Variants in PAK1 observed in about 807,000 individuals in gnomAD.
The protein encoded by PAK1 is p21 (RAC1) activated kinase 1.
In PAK1, 29 loss-of-function variants were observed where a neutral mutation model predicts 67.4. The observed-to-expected ratio is 0.43, with a 90% confidence interval of 0.32 to 0.59. PAK1 has a LOEUF of 0.59. Among genes scored for constraint, PAK1 ranks in the 20% least tolerant of loss-of-function variants. PAK1 has a pLI of 0.07. For missense variants in PAK1, 337 were observed against 670.7 expected (o/e 0.50, Z 5.50); for synonymous variants, 223 against 237.4 (o/e 0.94, Z 0.56).
intron 1 of PAK1, among the ~76,000 whole-genome samples, chr11:77,438,680 T>C (rs1263727570): frequency 6.6e-6 from 1 of 152,188 alleles, no homozygotes; most frequent in African/African-American, 2.4e-5. Context: ...GAGCTGTTTA[T>C]GGAAAGACAT....
intron 5 of PAK1, among the ~76,000 whole-genome samples, chr11:77,370,446 G>C (rs1198608817): frequency 6.6e-6 from 1 of 152,178 alleles, no homozygotes; most frequent in Non-Finnish European, 1.5e-5. Flanking sequence ...ACTGTAAGGA[G>C]GAGGCTGCCC....
At chr11:77,482,589 C>CT in the PAK1 span, among the ~76,000 whole-genome samples, 912 of 137,600 alleles carry the variant, frequency 6.6e-3, 10 homozygotes, top group African/African-American at 0.025. Context: ...TTCCCTCACT[C>CT]TTTTTTTCTT....
At chr11:77,443,213 G>A (rs909374177) in intron 1 of PAK1, among the ~76,000 whole-genome samples, 6 of 151,348 alleles carry the variant, frequency 4.0e-5, no homozygotes, top group African/African-American at 1.2e-4. Flanking sequence ...GTCTCAGGAT[G>A]CTGAGGCAGG....
At position 77,322,080 on chromosome 11, in the gene PAK1, CAG is replaced by C. The variant is rs1938597554; in HGVS notation, c.*1192_*1193del. The C allele has an allele frequency of 4.6e-6, 1 of 218,534 alleles. No homozygotes were observed. Among genetic ancestry groups the C allele is most frequent in the South Asian group, 1.9e-4 (1 of 5,400 alleles). The allele number at this position is 218,534 out of a possible 1,614,324, so 13.5% of individuals were successfully genotyped here. A position where few individuals can be genotyped will look rare whatever the true frequency, so the allele number is the denominator to read the frequency against. On this transcript the variant is annotated 3_prime_UTR_variant, in exon 15 of 15. Transcript: ENST00000356341. ...TTGTGCTGCAGAGGCAGTAGTACCT[CAG>C]AGCATGAGAAGGTAGTCAATGGGGC...
At chr11:77,399,883 A>AAAG (rs1334804973) in intron 1 of PAK1, among the ~76,000 whole-genome samples, 28 of 149,296 alleles carry the variant, frequency 1.9e-4, no homozygotes, top group African/African-American at 6.7e-4. Context: ...AAAAAAAAAA[A>AAAG]AAAGAAATAA....
intron 2 of PAK1, 102 bp from the exon 3 acceptor site, chr11:77,380,096 G>A (rs2853098): frequency 0.042 from 31,158 of 744,200 alleles, 2,353 homozygotes; most frequent in East Asian, 0.25. Context: ...AGAGGGCAAA[G>A]TCTATCTATT....
At chr11:77,528,320 A>G in the PAK1 span, among the ~76,000 whole-genome samples, 2 of 151,418 alleles carry the variant, frequency 1.3e-5, no homozygotes, top group African/African-American at 4.9e-5. Flanking sequence ...ATTATCTCCA[A>G]AAAATAACTT....
intron 1 of PAK1, among the ~76,000 whole-genome samples, chr11:77,426,523 T>C (rs1208819606): frequency 6.6e-6 from 1 of 152,130 alleles, no homozygotes; most frequent in African/African-American, 2.4e-5. Flanking sequence ...CTTATAAACC[T>C]AGTAAATATC....
At chr11:77,478,814 T>C (rs571240159), upstream of PAK1, among the ~76,000 whole-genome samples, 21 of 149,852 alleles carry the variant, frequency 1.4e-4, no homozygotes, top group East Asian at 4.0e-3. Flanking sequence ...CAGTGGCTCA[T>C]GCCTGTAATC....
intron 2 of PAK1, among the ~76,000 whole-genome samples, chr11:77,381,965 A>G (rs149584921): frequency 6.6e-6 from 1 of 152,238 alleles, no homozygotes; most frequent in Admixed American, 6.5e-5. Context: ...ACGTAAGTCC[A>G]TCTGTCTTTC....
At chr11:77,340,789 G>C in intron 10 of PAK1, 26 bp from the exon 11 acceptor site, 1 of 1,223,864 alleles carries the variant, frequency 8.2e-7, no homozygotes, top group Non-Finnish European at 1.2e-6. Flanking sequence ...TAAAGGGTGA[G>C]AGAGAACAAT....
chr11:77,413,124 G>A (rs1350094172), intron 1 of PAK1, among the ~76,000 whole-genome samples: 2 of 152,256 alleles, frequency 1.3e-5, no homozygotes, highest in Admixed American at 6.5e-5. Flanking sequence ...TGTCTCTTTC[G>A]GGTCATAATT....
chr11:77,375,477 A>G (rs1327425745), intron 4 of PAK1, among the ~76,000 whole-genome samples: 1 of 152,194 alleles, frequency 6.6e-6, no homozygotes, highest in Non-Finnish European at 1.5e-5. Flanking sequence ...CCAAGAATAG[A>G]ATCAAGCTCC....
intron 7 of PAK1, 23 bp downstream of exon 7, chr11:77,355,645 T>C (rs1332100992): frequency 1.3e-6 from 2 of 1,599,990 alleles, no homozygotes; most frequent in Non-Finnish European, 8.6e-7. Context: ...GAAGAAAGGT[T>C]CAGAAAGCTA....
chr11:77,491,588 T>C, the PAK1 span, among the ~76,000 whole-genome samples: 1 of 152,166 alleles, frequency 6.6e-6, no homozygotes, highest in Non-Finnish European at 1.5e-5. Flanking sequence ...TTCTCTTTGC[T>C]TGTTAGTTTA....
chr11:77,528,387 TC>T, the PAK1 span, among the ~76,000 whole-genome samples: 3 of 150,990 alleles, frequency 2.0e-5, no homozygotes, highest in African/African-American at 7.3e-5. Context: ...AGAGATGGGG[TC>T]TTCCTCTGTT....
the PAK1 span, chr11:77,514,897 G>A: frequency 6.6e-6 from 1 of 151,592 alleles, no homozygotes; most frequent in African/African-American, 2.4e-5. Flanking sequence ...CCACTAATGA[G>A]TAGCAGAACT....
chr11:77,405,992 T>C (rs2137856774), intron 1 of PAK1, among the ~76,000 whole-genome samples: 1 of 152,304 alleles, frequency 6.6e-6, no homozygotes, highest in African/African-American at 2.4e-5. Context: ...TACTCTACTT[T>C]CCTGTCTTCT....
intron 1 of PAK1, among the ~76,000 whole-genome samples, chr11:77,445,022 C>T (rs115632651): frequency 3.6e-4 from 54 of 151,802 alleles, no homozygotes; most frequent in African/African-American, 1.2e-3. Context: ...TTAGGATTGA[C>T]CTTATTTGGA....
Sources: allele counts gnomAD v4.1 joint callset (sites outside exome capture counted in the v4.1 genomes callset), GRCh38; gene constraint gnomAD v4.1.1; transcripts MANE v1.5; gene names NCBI Gene and HGNC (gene_info 2026-07-23, HGNC 2026-07-21).